The following LARGE1 variants were observed in gnomAD, a reference collection of about 807,000 sequenced individuals.
The protein encoded by LARGE1 is xylosyl- and glucuronyltransferase LARGE1.
A neutral mutation model predicts 87.6 loss-of-function variants in LARGE1; 43 were observed. The observed-to-expected ratio is 0.49, with a 90% confidence interval of 0.38 to 0.63. The LOEUF is 0.63. LARGE1 is among the 30% of genes least tolerant of loss of function. The probability of loss-of-function intolerance (pLI) is 0.00; values close to 1 mark genes in which losing one functional copy is unlikely to be tolerated. For missense variants in LARGE1, 802 were observed against 1,000.2 expected, an observed-to-expected ratio of 0.80 and a Z score of 2.67; for synonymous variants, 434 against 394.6, an observed-to-expected ratio of 1.10 and a Z score of -1.18.
At chr22:33,215,480 A>G (rs1488487705) in intron 11 of LARGE1, among the ~76,000 whole-genome samples, 2 of 152,156 alleles carry the variant, frequency 1.3e-5, no homozygotes, top group Non-Finnish European at 2.9e-5. Flanking sequence ...GACCTTAATT[A>G]TTTATGTAGA....
intron 6 of LARGE1, among the ~76,000 whole-genome samples, chr22:33,449,306 C>T (rs550815305): frequency 6.6e-6 from 1 of 152,262 alleles, no homozygotes; most frequent in Non-Finnish European, 1.5e-5. Context: ...TGGGGCTCTC[C>T]ACTGTTTAGC....
intron 1 of LARGE1, among the ~76,000 whole-genome samples, chr22:33,878,129 CTTTTTTTTTTTTTTTTTT>C (rs1186663464): frequency 4.5e-5 from 2 of 44,652 alleles, no homozygotes; most frequent in Admixed American, 2.9e-4. Flanking sequence ...TATTGTATTT[CTTTTTTTTTTTTTTTTTT>C]TTTTTTTAGA....
intron 1 of LARGE1, among the ~76,000 whole-genome samples, chr22:33,915,384 C>A (rs1308687879): frequency 6.6e-6 from 1 of 152,008 alleles, no homozygotes; most frequent in African/African-American, 2.4e-5. Flanking sequence ...AACCATAACT[C>A]TACCCAGAGC....
chr22:33,260,447 G>A (rs931357598), intron 11 of LARGE1, among the ~76,000 whole-genome samples: 2 of 152,232 alleles, frequency 1.3e-5, no homozygotes, highest in African/African-American at 4.8e-5. Context: ...TGGCTGACCT[G>A]AGCTGACAGC....
chr22:33,847,140 T>G (rs955554311), intron 1 of LARGE1, among the ~76,000 whole-genome samples: 2 of 152,194 alleles, frequency 1.3e-5, no homozygotes, highest in Non-Finnish European at 2.9e-5. Flanking sequence ...TTCTCTCTTT[T>G]GTACTCTGTC....
At chr22:33,791,026 C>G (rs111403732) in intron 1 of LARGE1, among the ~76,000 whole-genome samples, 17 of 152,164 alleles carry the variant, frequency 1.1e-4, no homozygotes, top group African/African-American at 4.1e-4. Flanking sequence ...ACCACAAACA[C>G]AAATTTCTTA....
intron 6 of LARGE1, among the ~76,000 whole-genome samples, chr22:33,554,437 C>T (rs187510128): frequency 6.6e-6 from 1 of 152,208 alleles, no homozygotes; most frequent in Non-Finnish European, 1.5e-5. Context: ...ACAACAACAA[C>T]AACAAACACC....
intron 2 of LARGE1, among the ~76,000 whole-genome samples, chr22:33,680,143 C>T (rs2081713991): frequency 6.6e-6 from 1 of 152,322 alleles, no homozygotes; most frequent in African/African-American, 2.4e-5. Flanking sequence ...GTTTTAAACA[C>T]AGAGTTCCCT....
chr22:33,393,743 C>G (rs1197266680), intron 7 of LARGE1, among the ~76,000 whole-genome samples: 1 of 152,240 alleles, frequency 6.6e-6, no homozygotes, highest in Non-Finnish European at 1.5e-5. Flanking sequence ...GTGCTCTGCA[C>G]AGAGGCAACA....
rs967691349 is a variant in LARGE1, at chr22:33,273,104, T to C, written c.*1323A>G. The C allele has an allele frequency of 2.5e-5, 7 of 275,160 alleles. No individual in the cohort carries two copies. The highest frequency in any genetic ancestry group is 4.7e-5 in the Non-Finnish European group (7 of 148,616). 17.0% of individuals were successfully genotyped at this position (275,160 alleles called of 1,614,324 possible). ...GGAAGAAACAGTCTGTACTTTCATT[T>C]ATTAAATGCAGCTTTCGCTGGTCAC... On this transcript the variant is annotated 3_prime_UTR_variant, in exon 15 of 15. Coordinates refer to ENST00000397394, the MANE Select transcript of LARGE1 (RefSeq NM_133642.5).
chr22:33,269,260 A>T (rs954736934), downstream of LARGE1, among the ~76,000 whole-genome samples: 1 of 152,226 alleles, frequency 6.6e-6, no homozygotes, highest in African/African-American at 2.4e-5. Context: ...TTTTCCTGTT[A>T]GTTTTCAAAC....
At chr22:33,524,383 C>A (rs534236959) in intron 6 of LARGE1, among the ~76,000 whole-genome samples, 1 of 152,178 alleles carries the variant, frequency 6.6e-6, no homozygotes, top group Admixed American at 6.5e-5. Flanking sequence ...AATATTATCA[C>A]CTTTCTAATC....
At chr22:33,573,888 C>T (rs930931821) in intron 5 of LARGE1, among the ~76,000 whole-genome samples, 10 of 151,990 alleles carry the variant, frequency 6.6e-5, no homozygotes, top group Non-Finnish European at 1.2e-4. Flanking sequence ...AGAAGGCTCA[C>T]GTTTTTGCCA....
chr22:33,450,802 C>A (rs1451489247), intron 6 of LARGE1, among the ~76,000 whole-genome samples: 1 of 151,878 alleles, frequency 6.6e-6, no homozygotes, highest in Admixed American at 6.6e-5. Flanking sequence ...TGTTTCCTAA[C>A]AAAACTGTCC....
intron 9 of LARGE1, among the ~76,000 whole-genome samples, chr22:33,366,885 T>C (rs1351222617): frequency 1.3e-5 from 2 of 152,198 alleles, no homozygotes; most frequent in Non-Finnish European, 2.9e-5. Context: ...CCTCTTTTCA[T>C]ATTCTCTAGA....
At position 33,626,236 on chromosome 22, in the gene LARGE1, G is replaced by A; in HGVS notation, c.491+8C>T. On this transcript the variant is annotated splice_region_variant and intron_variant, in intron 4 of 14. Coordinates refer to ENST00000397394, the MANE Select transcript of LARGE1 (RefSeq NM_133642.5). ...CCTCAGCCCACACAGCACAGAAGTTGTTCTTACCTATGGAACAGGACGGAT... is the reference window on the plus strand; with the variant it reads ...CCTCAGCCCACACAGCACAGAAGTTATTCTTACCTATGGAACAGGACGGAT... 1 of 1,613,082 alleles carries A rather than the reference G, an allele frequency of 6.2e-7. No homozygotes were observed. Among genetic ancestry groups the A allele is most frequent in the Non-Finnish European group, 8.5e-7 (1 of 1,179,054 alleles).
At chr22:33,864,929 G>A (rs535118339) in intron 1 of LARGE1, among the ~76,000 whole-genome samples, 1 of 152,212 alleles carries the variant, frequency 6.6e-6, no homozygotes, top group South Asian at 2.1e-4. Flanking sequence ...TGTCTCTCTC[G>A]ATCACCTTTA....
At chr22:33,121,779 C>T in the LARGE1 span, among the ~76,000 whole-genome samples, 1 of 152,188 alleles carries the variant, frequency 6.6e-6, no homozygotes, top group African/African-American at 2.4e-5. Flanking sequence ...GTTTAATGAA[C>T]TCACGGTTCC....
intron 12 of LARGE1, among the ~76,000 whole-genome samples, chr22:33,303,622 TTTATTA>T (rs372808038): frequency 3.4e-4 from 52 of 152,198 alleles, no homozygotes; most frequent in African/African-American, 1.1e-3. Flanking sequence ...TTTTCTTCTA[TTTATTA>T]TTATTATTTT....
Sources: gnomAD v4.1 joint callset for allele counts (sites outside exome capture counted in the v4.1 genomes callset) on GRCh38, gnomAD v4.1.1 for gene constraint, MANE v1.5 for transcripts, NCBI Gene and HGNC (gene_info 2026-07-23, HGNC 2026-07-21) for gene names.